RNF11: variants seen among roughly 807,000 people sequenced by gnomAD.
The protein encoded by RNF11 is ring finger protein 11.
RNF11 carries 4 observed loss-of-function variants against 15.8 expected under a neutral mutation model. The observed-to-expected ratio is 0.25, with a 90% CI of 0.12 to 0.58. The LOEUF is 0.58. Among genes scored for constraint, RNF11 ranks in the 20% least tolerant of loss-of-function variants. RNF11 has a pLI of 0.91. For missense variants in RNF11, 139 were observed against 194.4 expected (o/e 0.71, Z 1.70); for synonymous variants, 68 against 72.3 (o/e 0.94, Z 0.30).
chr1:51,239,183 A>T (rs1557676057), intron 1 of RNF11, among the ~76,000 whole-genome samples: 1 of 152,114 alleles, frequency 6.6e-6, no homozygotes, highest in African/African-American at 2.4e-5. Context: ...TCTTAATTGA[A>T]TATCTTTGAC....
intron 1 of RNF11, among the ~76,000 whole-genome samples, chr1:51,246,772 G>A (rs575339747): frequency 7.2e-5 from 11 of 152,276 alleles, no homozygotes; most frequent in Admixed American, 6.5e-4. Context: ...GAAAAGTTAT[G>A]GAGATGGATA....
At chr1:51,237,929 G>A (rs986791587) in intron 1 of RNF11, among the ~76,000 whole-genome samples, 1 of 152,076 alleles carries the variant, frequency 6.6e-6, no homozygotes, top group African/African-American at 2.4e-5. Flanking sequence ...TCATTCCTGT[G>A]TAAACCAATG....
In RNF11 at chr1:51,236,866, C is replaced by G. The variant is rs769178886; in HGVS notation, c.110C>G (p.Pro37Arg). 1 of 1,610,194 alleles carries G rather than the reference C, an allele frequency of 6.2e-7. No individual in the cohort carries two copies. Among genetic ancestry groups the G allele is most frequent in the South Asian group, 1.1e-5 (1 of 90,752 alleles). The change falls in exon 1 of 3, where the codon CCG becomes CGG. Residue 37 changes from proline to arginine, a missense_variant. By Grantham distance (103) the Pro-to-Arg change is moderately radical (BLOSUM62 -2). Coordinates refer to ENST00000242719, the MANE Select transcript of RNF11 (RefSeq NM_014372.5). ...GEGTEPDQEPPPPYQEQVPVP... is the reference protein window; with the variant it reads ...GEGTEPDQEPRPPYQEQVPVP... ...GGGACGGAGCCGGATCAGGAGCCGC[C>G]GCCGCCATATCAGGTAGGGGAGGGT...
At chr1:51,243,111 A>G (rs7526029) in intron 1 of RNF11, among the ~76,000 whole-genome samples, 24,461 of 152,164 alleles carry the variant, frequency 0.16, 3,111 homozygotes, top group African/African-American at 0.35. Context: ...TCTGGAAATC[A>G]TATATTGCCT....
At chr1:51,261,558 T>C (rs1290051344) in intron 1 of RNF11, among the ~76,000 whole-genome samples, 1 of 152,210 alleles carries the variant, frequency 6.6e-6, no homozygotes, top group African/African-American at 2.4e-5. Context: ...GGCCCAAATA[T>C]ATATGGAGTC....
At chr1:51,257,978 C>G (rs959259774) in intron 1 of RNF11, among the ~76,000 whole-genome samples, 1 of 150,956 alleles carries the variant, frequency 6.6e-6, no homozygotes, top group Admixed American at 6.6e-5. Context: ...CTCAGCCTCC[C>G]GAGTAGCTGG....
chr1:51,266,938 C>A (rs953064794), intron 1 of RNF11, among the ~76,000 whole-genome samples: 1 of 152,158 alleles, frequency 6.6e-6, no homozygotes, highest in African/African-American at 2.4e-5. Context: ...ACAGACATAG[C>A]CCCTGCCCTT....
At chr1:51,269,821 C>T in intron 1 of RNF11, 135 bp from the exon 2 acceptor site, 1 of 683,310 alleles carries the variant, frequency 1.5e-6, no homozygotes, top group Non-Finnish European at 2.6e-6. Context: ...GGGTGAAACA[C>T]AGTCATACAG....
intron 1 of RNF11, among the ~76,000 whole-genome samples, chr1:51,252,853 G>T (rs1324266308): frequency 6.6e-6 from 1 of 151,148 alleles, no homozygotes; most frequent in Admixed American, 6.6e-5. Context: ...GGGACAGAGA[G>T]TCTTGCTCTG....
At chr1:51,258,726 C>CT (rs1646916243) in intron 1 of RNF11, among the ~76,000 whole-genome samples, 1 of 152,186 alleles carries the variant, frequency 6.6e-6, no homozygotes, top group Non-Finnish European at 1.5e-5. Flanking sequence ...CCCGTGTCTT[C>CT]TTTTCTATTC....
chr1:51,251,527 A>C (rs978712960), intron 1 of RNF11: 8 of 573,548 alleles, frequency 1.4e-5, no homozygotes, highest in Non-Finnish European at 1.8e-5. Context: ...AACTTAGGTG[A>C]TTCTCATTTT....
At chr1:51,238,429 A>G (rs1013573933) in intron 1 of RNF11, among the ~76,000 whole-genome samples, 2 of 152,192 alleles carry the variant, frequency 1.3e-5, no homozygotes, top group Non-Finnish European at 2.9e-5. Flanking sequence ...CTGCCTCAGT[A>G]GGGACTCAGT....
chr1:51,250,260 C>T (rs568064923), intron 1 of RNF11, among the ~76,000 whole-genome samples: 5 of 152,292 alleles, frequency 3.3e-5, no homozygotes, highest in Admixed American at 2.6e-4. Context: ...AGCTAATTTA[C>T]AGATCCTTCA....
rs190395648 is a variant in RNF11, at chr1:51,251,359, T to C, written c.123+14480T>C. ...CCGCGGCCTCGGCCCCGGCCCCGTC[T>C]ACGGCTGCGACCCCGGCCCCGGATG... On this transcript the variant is annotated intron_variant, in intron 1 of 2. Transcript: ENST00000242719. The C allele has an allele frequency of 6.9e-3, 10,373 of 1,506,318 alleles. 176 individuals are homozygous for C. Among genetic ancestry groups the C allele is most frequent in the African/African-American group, 0.064 (4,652 of 72,784 alleles). The allele number at this position is 1,506,318 out of a possible 1,614,324, so 93.3% of individuals were successfully genotyped here. A position where few individuals can be genotyped will look rare whatever the true frequency, so the allele number is the denominator to read the frequency against.
chr1:51,269,453 C>T (rs1646969012), intron 1 of RNF11, among the ~76,000 whole-genome samples: 1 of 152,138 alleles, frequency 6.6e-6, no homozygotes, highest in Non-Finnish European at 1.5e-5. Context: ...GGGTTATACA[C>T]ACGATTCCTT....
At chr1:51,253,905 G>A (rs889511140) in intron 1 of RNF11, among the ~76,000 whole-genome samples, 2 of 151,890 alleles carry the variant, frequency 1.3e-5, no homozygotes, top group African/African-American at 2.4e-5. Context: ...ATGTGGAGGC[G>A]GGAGGATTGC....
At chr1:51,271,098 G>C (rs1646975872) in intron 2 of RNF11, 53 bp from the exon 3 acceptor site, 1 of 1,476,748 alleles carries the variant, frequency 6.8e-7, no homozygotes, top group Non-Finnish European at 9.4e-7. Flanking sequence ...AGAGTTTTCT[G>C]AATAGGACAC....
intron 1 of RNF11, among the ~76,000 whole-genome samples, chr1:51,267,273 C>T (rs1435535655): frequency 6.6e-6 from 1 of 152,152 alleles, no homozygotes; most frequent in Non-Finnish European, 1.5e-5. Context: ...CATTTGTTTT[C>T]AGCTGGGGAC....
chr1:51,236,781 A>G lies in RNF11; in HGVS notation c.25A>G (p.Thr9Ala). The stretch of plus-strand genomic sequence containing the variant: ...GATGGGGAACTGCCTCAAATCCCCC[A>G]CCTCGGATGACATCTCCCTGCTTCA... MGNCLKSP[T>A]SDDISLLHES... is the part of the protein sequence containing the mutation. Residue 9 changes from threonine (T) to alanine (A), a missense_variant, in exon 1 of 3, where the codon ACC becomes GCC. Physicochemically the swap from Thr to Ala is moderately conservative, Grantham distance 58. Coordinates refer to ENST00000242719, the MANE Select transcript of RNF11 (RefSeq NM_014372.5). 6.2e-7 allele frequency: 1 copy of G among 1,612,354 alleles called. No homozygotes were observed. Among genetic ancestry groups the G allele is most frequent in the Non-Finnish European group, 8.5e-7 (1 of 1,179,472 alleles).
Sources: allele counts gnomAD v4.1 joint callset (sites outside exome capture counted in the v4.1 genomes callset), GRCh38; gene constraint gnomAD v4.1.1; transcripts MANE v1.5; gene names NCBI Gene and HGNC (gene_info 2026-07-23, HGNC 2026-07-21).